Variants in ERG observed in about 807,000 individuals in gnomAD.
The protein encoded by ERG is ETS transcription factor ERG, also known as transcriptional regulator ERG.
A neutral mutation model predicts 55.3 loss-of-function variants in ERG; 9 were observed. The ratio of observed to expected loss-of-function variants is 0.16; its 90% CI spans 0.10 to 0.28. The LOEUF is 0.28. Ranked by LOEUF, ERG falls within the 10% of genes least tolerant of loss-of-function variation. The probability of loss-of-function intolerance (pLI) is 1.00; values close to 1 mark genes in which losing one functional copy is unlikely to be tolerated. For missense variants in ERG, 434 were observed against 631.6 expected (o/e 0.69, Z 3.35); for synonymous variants, 223 against 237.3 (o/e 0.94, Z 0.55).
intron 3 of ERG, among the ~76,000 whole-genome samples, chr21:38,404,675 C>A (rs1201387535): frequency 6.6e-6 from 1 of 152,164 alleles, no homozygotes; most frequent in Non-Finnish European, 1.5e-5. Context: ...TTGCTGTGGG[C>A]AGCTATTTCT....
At chr21:38,418,049 T>G (rs532074689) in intron 3 of ERG, among the ~76,000 whole-genome samples, 1 of 152,300 alleles carries the variant, frequency 6.6e-6, no homozygotes, top group East Asian at 1.9e-4. Flanking sequence ...GTTAATGTGA[T>G]ACTGTTAATC....
At chr21:38,433,659 T>C (rs1990325560) in intron 2 of ERG, among the ~76,000 whole-genome samples, 1 of 151,652 alleles carries the variant, frequency 6.6e-6, no homozygotes, top group Non-Finnish European at 1.5e-5. Context: ...CCCTTGTGAG[T>C]GTGAATGGGC....
downstream of ERG, among the ~76,000 whole-genome samples, chr21:38,376,870 A>G (rs1318452067): frequency 6.6e-6 from 1 of 152,224 alleles, no homozygotes; most frequent in Non-Finnish European, 1.5e-5. Context: ...GTCCCCAGCA[A>G]GCAGCACTCC....
intron 6 of ERG, among the ~76,000 whole-genome samples, chr21:38,398,569 G>T (rs1988336605): frequency 6.6e-6 from 1 of 152,196 alleles, no homozygotes; most frequent in African/African-American, 2.4e-5. Flanking sequence ...ACCACCATCA[G>T]AGCGGCATGG....
intron 1 of ERG, chr21:38,451,006 C>A (rs2058936455): frequency 2.3e-6 from 1 of 436,378 alleles, no homozygotes; most frequent in African/African-American, 2.0e-5. Context: ...TTCCCCAAGG[C>A]TGTAGACTGG....
At chr21:38,531,670 T>G (rs1225044802) in intron 2 of ERG, among the ~76,000 whole-genome samples, 5 of 152,262 alleles carry the variant, frequency 3.3e-5, no homozygotes, top group Non-Finnish European at 7.3e-5. Flanking sequence ...AATCATGTTC[T>G]TGTGGTTTTC....
At chr21:38,445,339 C>T in intron 2 of ERG, 65 bp downstream of exon 2, 1 of 1,297,822 alleles carries the variant, frequency 7.7e-7, no homozygotes, top group Non-Finnish European at 1.1e-6. Flanking sequence ...CTGACTTCCA[C>T]TTTGCCTTTG....
At chr21:38,470,397 G>C (rs2059129061) in intron 1 of ERG, among the ~76,000 whole-genome samples, 1 of 152,176 alleles carries the variant, frequency 6.6e-6, no homozygotes, top group African/African-American at 2.4e-5. Flanking sequence ...CTTATATGCT[G>C]ATCCTAGCTT....
At chr21:38,561,143 A>T (rs1481595011) in intron 2 of ERG, among the ~76,000 whole-genome samples, 2 of 152,180 alleles carry the variant, frequency 1.3e-5, no homozygotes, top group Non-Finnish European at 2.9e-5. Flanking sequence ...GAATCAAGTA[A>T]CAGGTCTTTC....
chr21:38,378,255 CGAA>C (rs1055480282), downstream of ERG, among the ~76,000 whole-genome samples: 9 of 152,142 alleles, frequency 5.9e-5, no homozygotes, highest in African/African-American at 2.2e-4. Context: ...TGCACTGGAC[CGAA>C]GAAGACCTAA....
intron 3 of ERG, among the ~76,000 whole-genome samples, chr21:38,416,534 C>A (rs1467859722): frequency 6.6e-6 from 1 of 152,194 alleles, no homozygotes; most frequent in African/African-American, 2.4e-5. Context: ...ATGCTCTTGG[C>A]TTCTCATTTG....
In ERG at chr21:38,411,997, T is replaced by A. The variant is rs918693782; in HGVS notation, c.389-8288A>T. ...TGCCTGAAAGTATATTTAGTCTGCT[T>A]TCTATTTCTATTTTTGTCAGCTTTT... On this transcript the variant is annotated intron_variant, in intron 3 of 9. Transcript: ENST00000288319. Among the ~76,000 whole-genome samples, 3 of 152,212 alleles carry A rather than the reference T, an allele frequency of 2.0e-5. No homozygotes were observed. The South Asian group carries it at 6.2e-4, about 32-fold the overall frequency.
chr21:38,557,447 G>T (rs2059864970), intron 2 of ERG, among the ~76,000 whole-genome samples: 1 of 152,218 alleles, frequency 6.6e-6, no homozygotes, highest in Admixed American at 6.5e-5. Flanking sequence ...TAGGCTGCAA[G>T]TCATAAGTCT....
At chr21:38,648,138 T>G (rs1421060125) in intron 1 of ERG, among the ~76,000 whole-genome samples, 4 of 152,248 alleles carry the variant, frequency 2.6e-5, no homozygotes, top group Non-Finnish European at 5.9e-5. Context: ...TTTAAATTTT[T>G]TACTTGCTTG....
intron 1 of ERG, among the ~76,000 whole-genome samples, chr21:38,487,593 G>A (rs2059298344): frequency 6.6e-6 from 1 of 152,186 alleles, no homozygotes; most frequent in South Asian, 2.1e-4. Context: ...ATGTGGTTCA[G>A]GCAGCACTGG....
intron 3 of ERG, among the ~76,000 whole-genome samples, chr21:38,406,740 G>A (rs1456688091): frequency 6.6e-6 from 1 of 152,090 alleles, no homozygotes; most frequent in East Asian, 1.9e-4. Context: ...GGTGGAACCG[G>A]ATATTCTCAA....
chr21:38,571,148 C>T (rs1170012086), intron 2 of ERG, among the ~76,000 whole-genome samples: 2 of 152,150 alleles, frequency 1.3e-5, no homozygotes, highest in African/African-American at 4.8e-5. Context: ...AGCTCCACCC[C>T]TTCAGAGAGT....
At position 38,533,316 on chromosome 21, in the gene ERG, A is replaced by T. The variant is rs369215600; in HGVS notation, c.-41+42346T>A. ...ATACAAAGACGACAACTGGTTTAAA[A>T]ATTCATTTATTTTTATTTTAGCTTC... On this transcript the variant is annotated intron_variant, in intron 2 of 8. Transcript: ENST00000398897. 8.5e-5 allele frequency among the ~76,000 whole-genome samples: 13 copies of T among 152,328 alleles called. No homozygotes were observed. In the South Asian group the frequency reaches 2.7e-3, roughly 32 times the overall value.
At chr21:38,402,272 C>T (rs1435733839) in intron 5 of ERG, among the ~76,000 whole-genome samples, 1 of 152,126 alleles carries the variant, frequency 6.6e-6, no homozygotes, top group Non-Finnish European at 1.5e-5. Context: ...GACTGTAATC[C>T]GGCAAATGTG....
Sources: allele counts gnomAD v4.1 joint callset (sites outside exome capture counted in the v4.1 genomes callset), GRCh38; gene constraint gnomAD v4.1.1; transcripts MANE v1.5; gene names NCBI Gene and HGNC (gene_info 2026-07-23, HGNC 2026-07-21).